GHR: variants seen among roughly 807,000 people sequenced by gnomAD.
GHR encodes the protein GH receptor.
GHR carries 35 observed loss-of-function variants against 67.1 expected under a neutral mutation model. The ratio of observed to expected loss-of-function variants is 0.52; its 90% CI spans 0.40 to 0.69. The LOEUF (loss-of-function observed/expected upper bound fraction) is 0.69, where lower values mean the gene tolerates loss of function less well. GHR is among the 30% of genes least tolerant of loss of function. The pLI is 0.00. For missense variants in GHR, 792 were observed against 764.6 expected (o/e 1.04, Z -0.42); for synonymous variants, 272 against 269.1 (o/e 1.01, Z -0.10).
At chr5:42,661,927 A>C (rs1219797663) in intron 3 of GHR, among the ~76,000 whole-genome samples, 1 of 152,226 alleles carries the variant, frequency 6.6e-6, no homozygotes, top group African/African-American at 2.4e-5. Flanking sequence ...AAGCAAATGG[A>C]AAACAAAAAA....
At chr5:42,616,599 C>T (rs765319834) in intron 2 of GHR, among the ~76,000 whole-genome samples, 4 of 150,328 alleles carry the variant, frequency 2.7e-5, no homozygotes, top group Non-Finnish European at 4.4e-5. Flanking sequence ...GAGGCTCAGA[C>T]TAAGATAGAA....
At chr5:42,436,062 A>T (rs1315154086) in intron 1 of GHR, among the ~76,000 whole-genome samples, 1 of 152,216 alleles carries the variant, frequency 6.6e-6, no homozygotes, top group Non-Finnish European at 1.5e-5. Context: ...TGCCCTGAAC[A>T]TTGGTATAAA....
chr5:42,428,178 G>A (rs1283158714), intron 1 of GHR, among the ~76,000 whole-genome samples: 2 of 152,220 alleles, frequency 1.3e-5, no homozygotes, highest in Admixed American at 6.5e-5. Context: ...CTGAAATCTA[G>A]GTGGAAGTTC....
intron 3 of GHR, among the ~76,000 whole-genome samples, chr5:42,672,279 A>G (rs1414288040): frequency 6.6e-6 from 1 of 152,248 alleles, no homozygotes; most frequent in Non-Finnish European, 1.5e-5. Flanking sequence ...TGGAACTGAT[A>G]AACAACTTCA....
At chr5:42,679,957 ATCT>A (rs1315024302) in intron 3 of GHR, among the ~76,000 whole-genome samples, 1 of 152,246 alleles carries the variant, frequency 6.6e-6, no homozygotes, top group African/African-American at 2.4e-5. Flanking sequence ...ACATATTCAC[ATCT>A]TCTTTGCTCA....
At chr5:42,551,253 C>T (rs1269046468) in intron 1 of GHR, among the ~76,000 whole-genome samples, 1 of 152,090 alleles carries the variant, frequency 6.6e-6, no homozygotes, top group African/African-American at 2.4e-5. Context: ...AGGGATTTAT[C>T]ATCTTGTGAC....
At chr5:42,466,860 G>T in intron 1 of GHR, 1 of 1,420,770 alleles carries the variant, frequency 7.0e-7, no homozygotes, top group Non-Finnish European at 9.4e-7. Flanking sequence ...TATGACCAAT[G>T]CTGGAAGTCT....
At chr5:42,428,392 C>T (rs1742944923) in intron 1 of GHR, among the ~76,000 whole-genome samples, 2 of 152,148 alleles carry the variant, frequency 1.3e-5, no homozygotes, top group Non-Finnish European at 2.9e-5. Flanking sequence ...CCCTCGTAGG[C>T]CTCTGGGCCT....
intron 3 of GHR, among the ~76,000 whole-genome samples, chr5:42,652,314 A>C (rs1161337299): frequency 6.6e-6 from 1 of 151,938 alleles, no homozygotes; most frequent in Non-Finnish European, 1.5e-5. Flanking sequence ...TGAAGTTGAC[A>C]CTTTCTGTTG....
Position 42,581,863 on chromosome 5 carries a change from C to A in GHR, c.70+15919C>A, listed in dbSNP as rs558974896. 2.2e-3 allele frequency among the ~76,000 whole-genome samples: 329 copies of A among 152,306 alleles called. 1 individual carries two copies. The highest frequency in any genetic ancestry group is 4.0e-3 in the Non-Finnish European group (273 of 68,018). ...CTAGACCTGGGCATCCCCGTGCTCT[C>A]GGGGGCCCAGGAAGCACCCCCTGCT... On this transcript the variant is annotated intron_variant, in intron 2 of 9. Transcript: ENST00000230882.
At chr5:42,518,283 TAA>T (rs1747329996) in intron 1 of GHR, among the ~76,000 whole-genome samples, 1 of 152,052 alleles carries the variant, frequency 6.6e-6, no homozygotes, top group African/African-American at 2.4e-5. Flanking sequence ...AACTTCTTAT[TAA>T]AAGAGTTTGT....
At chr5:42,561,367 A>G (rs544754200) in intron 1 of GHR, among the ~76,000 whole-genome samples, 1 of 152,354 alleles carries the variant, frequency 6.6e-6, no homozygotes, top group African/African-American at 2.4e-5. Flanking sequence ...TGCCTTGCTC[A>G]GTGTTAGCAG....
chr5:42,672,506 T>G (rs1254478641), intron 3 of GHR, among the ~76,000 whole-genome samples: 1 of 152,058 alleles, frequency 6.6e-6, no homozygotes, highest in African/African-American at 2.4e-5. Flanking sequence ...ATGACAAAAT[T>G]AGCAATGGGG....
At chr5:42,431,603 A>G (rs981629048) in intron 1 of GHR, among the ~76,000 whole-genome samples, 1 of 152,232 alleles carries the variant, frequency 6.6e-6, no homozygotes, top group African/African-American at 2.4e-5. Context: ...GAGTCTTTCA[A>G]ACTTCCAGAT....
chr5:42,559,980 T>C (rs375182243), intron 1 of GHR, among the ~76,000 whole-genome samples: 47 of 152,248 alleles, frequency 3.1e-4, no homozygotes, highest in African/African-American at 1.1e-3. Context: ...CAACTAGATA[T>C]AATTTCACAA....
chr5:42,696,822 A>G (rs1346256130), intron 5 of GHR, among the ~76,000 whole-genome samples: 1 of 152,232 alleles, frequency 6.6e-6, no homozygotes, highest in Non-Finnish European at 1.5e-5. Flanking sequence ...CACACTTTAC[A>G]GATAATGAAA....
intron 1 of GHR, among the ~76,000 whole-genome samples, chr5:42,443,480 A>G (rs1414918177): frequency 6.6e-6 from 1 of 152,178 alleles, no homozygotes; most frequent in Non-Finnish European, 1.5e-5. Context: ...CTGTCATTCC[A>G]TAAATTTAAT....
chr5:42,675,598 A>C (rs1422672011), intron 3 of GHR, among the ~76,000 whole-genome samples: 3 of 152,234 alleles, frequency 2.0e-5, no homozygotes, highest in Non-Finnish European at 4.4e-5. Context: ...AGTGCTGAAA[A>C]CCAGGATAAA....
chr5:42,433,676 T>G (rs1170105936), intron 1 of GHR, among the ~76,000 whole-genome samples: 1 of 151,622 alleles, frequency 6.6e-6, no homozygotes, highest in Non-Finnish European at 1.5e-5. Flanking sequence ...ACTGAGGGAT[T>G]GGAAGAGTGG....
Sources: allele counts gnomAD v4.1 joint callset (sites outside exome capture counted in the v4.1 genomes callset), GRCh38; gene constraint gnomAD v4.1.1; transcripts MANE v1.5; gene names NCBI Gene and HGNC (gene_info 2026-07-23, HGNC 2026-07-21).